GRIK2: variants seen among roughly 807,000 people sequenced by gnomAD.
GRIK2 encodes glutamate receptor ionotropic, kainate 2.
GRIK2 carries 32 observed loss-of-function variants against 100.3 expected under a neutral mutation model. That is an observed-to-expected ratio of 0.32 (90% CI 0.24 to 0.43). The LOEUF (loss-of-function observed/expected upper bound fraction) is 0.43. Among genes scored for constraint, GRIK2 ranks in the 20% least tolerant of loss-of-function variants. The pLI, the probability that GRIK2 is intolerant of heterozygous loss-of-function variation, is 1.00. For missense variants in GRIK2, 843 were observed against 1,114.9 expected (o/e 0.76, Z 3.47); for synonymous variants, 417 against 389.4 (o/e 1.07, Z -0.83).
At chr6:101,803,413 A>T (rs1014404685) in intron 9 of GRIK2, among the ~76,000 whole-genome samples, 2 of 151,812 alleles carry the variant, frequency 1.3e-5, no homozygotes, top group Non-Finnish European at 2.9e-5. Context: ...CCAACTGATG[A>T]CTCAAACTGA....
chr6:101,567,217 C>T (rs543267819), intron 2 of GRIK2, among the ~76,000 whole-genome samples: 138 of 151,696 alleles, frequency 9.1e-4, no homozygotes, highest in African/African-American at 3.2e-3. Context: ...ATTTATTTTG[C>T]GATTTTCTTA....
intron 7 of GRIK2, among the ~76,000 whole-genome samples, chr6:101,697,317 C>A (rs1772558161): frequency 6.6e-6 from 1 of 150,708 alleles, no homozygotes; most frequent in Non-Finnish European, 1.5e-5. Flanking sequence ...TGCAAAATCA[C>A]TGTAGTAGAT....
intron 2 of GRIK2, among the ~76,000 whole-genome samples, chr6:101,504,450 A>G (rs565192595): frequency 6.6e-6 from 1 of 151,964 alleles, no homozygotes; most frequent in Non-Finnish European, 1.5e-5. Context: ...TTTTTTTCAG[A>G]TTGTATTTTT....
Position 101,666,620 on chromosome 6 carries a change from A to T in GRIK2, c.542-10003A>T, listed in dbSNP as rs139695987. 4.0e-3 allele frequency among the ~76,000 whole-genome samples: 612 copies of T among 152,380 alleles called. 1 individual carries two copies. Among genetic ancestry groups the T allele is most frequent in the Admixed American group, 5.8e-3 (89 of 15,304 alleles). On this transcript the variant is annotated intron_variant, in intron 4 of 16. Transcript: ENST00000369134. ...CCCAGGAGCTAATGGCAAAGGCCGG[A>T]TCTCTCTTTAGGTAAAATTAATTCT...
intron 12 of GRIK2, among the ~76,000 whole-genome samples, chr6:101,911,858 A>G (rs1788715694): frequency 6.6e-6 from 1 of 151,554 alleles, no homozygotes; most frequent in African/African-American, 2.4e-5. Flanking sequence ...TGTAAGTTGA[A>G]AATCATGAGC....
chr6:101,718,805 A>G (rs2764234), intron 7 of GRIK2, among the ~76,000 whole-genome samples: 140,972 of 151,936 alleles, frequency 0.93, 65,492 homozygotes, highest in African/African-American at 0.96. Context: ...TTGATACCAA[A>G]TCTGACATGT....
At chr6:101,663,496 ATGAAGTATGG>A (rs1769788867) in intron 4 of GRIK2, among the ~76,000 whole-genome samples, 1 of 152,192 alleles carries the variant, frequency 6.6e-6, no homozygotes, top group Non-Finnish European at 1.5e-5. Context: ...ATAGCAGATG[ATGAAGTATGG>A]TGAAGTAGGA....
intron 13 of GRIK2, among the ~76,000 whole-genome samples, chr6:101,927,487 A>G (rs1436734583): frequency 6.6e-6 from 1 of 152,178 alleles, no homozygotes; most frequent in East Asian, 1.9e-4. Context: ...TTATAAAAAA[A>G]TCACACATAC....
chr6:101,473,111 TCC>T (rs1341074840), intron 2 of GRIK2, among the ~76,000 whole-genome samples: 628 of 43,336 alleles, frequency 0.014, 3 homozygotes, highest in Non-Finnish European at 0.023. Context: ...CTTCCTTCCT[TCC>T]TTCCTTCCTT....
chr6:101,960,494 T>C (rs1792228687), intron 14 of GRIK2, among the ~76,000 whole-genome samples: 1 of 152,186 alleles, frequency 6.6e-6, no homozygotes. Context: ...TTTTAGATGG[T>C]ACTTTTTTAA....
chr6:101,694,182 A>T (rs1772311324), intron 7 of GRIK2, among the ~76,000 whole-genome samples: 1 of 152,140 alleles, frequency 6.6e-6, no homozygotes, highest in Non-Finnish European at 1.5e-5. Context: ...GACCTTGAAA[A>T]ACAAAAATGC....
chr6:101,574,293 C>T (rs1297722936), intron 2 of GRIK2, among the ~76,000 whole-genome samples: 2 of 146,758 alleles, frequency 1.4e-5, no homozygotes, highest in East Asian at 2.0e-4. Context: ...TATATATATA[C>T]ACTGTATATA....
At chr6:101,854,440 AG>A in intron 10 of GRIK2, among the ~76,000 whole-genome samples, 1 of 152,208 alleles carries the variant, frequency 6.6e-6, no homozygotes, top group Admixed American at 6.5e-5. Flanking sequence ...TTATATTTTT[AG>A]TAGAGATGGA....
chr6:101,559,710 A>G (rs1776911238), intron 2 of GRIK2, among the ~76,000 whole-genome samples: 1 of 152,064 alleles, frequency 6.6e-6, no homozygotes, highest in Non-Finnish European at 1.5e-5. Flanking sequence ...TAAATTACAC[A>G]TATTTGTGAT....
chr6:101,890,201 C>G (rs1786953927), intron 12 of GRIK2: 1 of 175,486 alleles, frequency 5.7e-6, no homozygotes, highest in East Asian at 1.6e-4. Context: ...ACATGTTTTA[C>G]TAACTTGAGT....
intron 2 of GRIK2, among the ~76,000 whole-genome samples, chr6:101,483,642 T>C (rs1218682548): frequency 6.6e-6 from 1 of 152,220 alleles, no homozygotes; most frequent in Non-Finnish European, 1.5e-5. Flanking sequence ...TGGCACGATC[T>C]GGGCTCACTG....
rs576334526 is a variant in GRIK2, at chr6:101,440,014, C to T, written c.115+40622C>T. Among the ~76,000 whole-genome samples the T allele has an allele frequency of 9.5e-4, 144 of 152,144 alleles. 1 individual carries two copies. In the South Asian group the frequency reaches 0.012, roughly 13 times the overall value. On this transcript the variant is annotated intron_variant, in intron 2 of 16. Transcript: ENST00000369134. ...TGTTCTCATTGGAAGATGACCACTT[C>T]GGTGAGGTTATGACCAAATTGTTAT... is the stretch of plus-strand genomic sequence containing the variant.
chr6:101,779,298 G>T (rs1036460380), intron 7 of GRIK2, among the ~76,000 whole-genome samples: 9 of 152,002 alleles, frequency 5.9e-5, no homozygotes, highest in African/African-American at 2.2e-4. Flanking sequence ...CTGCCTGTTT[G>T]TCTGTTACAC....
intron 11 of GRIK2, among the ~76,000 whole-genome samples, chr6:101,877,441 G>A (rs9498732): frequency 0.084 from 12,812 of 151,814 alleles, 1,250 homozygotes; most frequent in East Asian, 0.51. Flanking sequence ...ATGATTTAAA[G>A]TATACAGGAG....
Sources: allele counts gnomAD v4.1 joint callset (sites outside exome capture counted in the v4.1 genomes callset), GRCh38; gene constraint gnomAD v4.1.1; transcripts MANE v1.5; gene names NCBI Gene and HGNC (gene_info 2026-07-23, HGNC 2026-07-21).